Variants in NEGR1 observed in about 807,000 individuals in gnomAD.
NEGR1 encodes neuronal growth regulator 1, also known as IgLON family member 4.
A neutral mutation model predicts 40.9 loss-of-function variants in NEGR1; 10 were observed. That is an observed-to-expected ratio of 0.24 (90% CI 0.15 to 0.42). The LOEUF (loss-of-function observed/expected upper bound fraction) is 0.42, where lower values mean the gene tolerates loss of function less well. NEGR1 is among the 10% of genes least tolerant of loss of function. The pLI is 1.00. For missense variants in NEGR1, 352 were observed against 438.9 expected (o/e 0.80, Z 1.77); for synonymous variants, 185 against 166.8 (o/e 1.11, Z -0.84).
chr1:71,654,007 A>G (rs1347055015), intron 4 of NEGR1, among the ~76,000 whole-genome samples: 1 of 152,174 alleles, frequency 6.6e-6, no homozygotes, highest in Non-Finnish European at 1.5e-5. Flanking sequence ...TGTATTATTC[A>G]AACTTAAAAG....
At chr1:72,251,587 A>G (rs1489439274) in intron 1 of NEGR1, among the ~76,000 whole-genome samples, 3 of 152,128 alleles carry the variant, frequency 2.0e-5, no homozygotes, top group African/African-American at 7.2e-5. Context: ...TCATCTCTAG[A>G]TTTCTTATAA....
chr1:72,069,365 G>T (rs1647366379), intron 1 of NEGR1, among the ~76,000 whole-genome samples: 1 of 151,994 alleles, frequency 6.6e-6, no homozygotes, highest in Non-Finnish European at 1.5e-5. Flanking sequence ...GATCACCTGA[G>T]CCCAGAAGGC....
At chr1:72,062,597 T>C (rs1406811522) in intron 1 of NEGR1, among the ~76,000 whole-genome samples, 1 of 151,944 alleles carries the variant, frequency 6.6e-6, no homozygotes, top group Non-Finnish European at 1.5e-5. Context: ...TACTGCTTGG[T>C]GACCAAAATG....
chr1:71,718,005 G>A (rs1032236320), intron 3 of NEGR1, among the ~76,000 whole-genome samples: 3 of 152,122 alleles, frequency 2.0e-5, no homozygotes, highest in African/African-American at 7.2e-5. Flanking sequence ...AGAATTGTGA[G>A]ACAATACATT....
chr1:71,761,777 T>G (rs1396679058), intron 3 of NEGR1, among the ~76,000 whole-genome samples: 1 of 152,052 alleles, frequency 6.6e-6, no homozygotes. Flanking sequence ...AGAATCAGTC[T>G]TCAGTTGAAC....
chr1:71,674,037 C>T (rs933913547), intron 4 of NEGR1, among the ~76,000 whole-genome samples: 6 of 152,050 alleles, frequency 3.9e-5, no homozygotes, highest in Admixed American at 3.9e-4. Flanking sequence ...AATAATCTCT[C>T]AACATTTTCT....
chr1:71,795,989 T>G (rs1478403730), intron 2 of NEGR1, among the ~76,000 whole-genome samples: 1 of 152,164 alleles, frequency 6.6e-6, no homozygotes, highest in Non-Finnish European at 1.5e-5. Context: ...CATTTCTGGG[T>G]GTACATGTAG....
chr1:71,939,080 C>T (rs1363719746), intron 1 of NEGR1, among the ~76,000 whole-genome samples: 1 of 152,104 alleles, frequency 6.6e-6, no homozygotes, highest in Non-Finnish European at 1.5e-5. Context: ...CCACTTTACT[C>T]TGCTCTAGGC....
intron 4 of NEGR1, among the ~76,000 whole-genome samples, chr1:71,664,089 T>A (rs971826774): frequency 1.3e-5 from 2 of 152,200 alleles, no homozygotes; most frequent in Non-Finnish European, 2.9e-5. Context: ...GCTGACATCC[T>A]TTTTGTGTGT....
intron 4 of NEGR1, among the ~76,000 whole-genome samples, chr1:71,687,038 A>G (rs1358769490): frequency 6.6e-6 from 1 of 152,204 alleles, no homozygotes; most frequent in Non-Finnish European, 1.5e-5. Context: ...AACACTCTCA[A>G]CATCTGTTCT....
chr1:72,004,343 C>G (rs1486098), intron 1 of NEGR1, among the ~76,000 whole-genome samples: 53,422 of 151,956 alleles, frequency 0.35, 10,215 homozygotes, highest in African/African-American at 0.5. Context: ...GTTTCCCTGT[C>G]TTGTCCAGGC....
At chr1:71,609,286 C>T (rs1047770056) in intron 5 of NEGR1, among the ~76,000 whole-genome samples, 8 of 151,480 alleles carry the variant, frequency 5.3e-5, no homozygotes, top group Admixed American at 2.0e-4. Context: ...GAGGCCGAGG[C>T]GGGTGGATCA....
At chr1:71,583,818 T>C (rs760307317) in intron 6 of NEGR1, among the ~76,000 whole-genome samples, 40 of 152,204 alleles carry the variant, frequency 2.6e-4, no homozygotes, top group Admixed American at 1.3e-4. Flanking sequence ...GTGACTTTAA[T>C]GGTTCTTCAG....
chr1:71,628,922 A>G (rs1051090294), intron 4 of NEGR1, among the ~76,000 whole-genome samples: 5 of 152,130 alleles, frequency 3.3e-5, no homozygotes, highest in Non-Finnish European at 7.4e-5. Flanking sequence ...TCATTTGGGT[A>G]TACACCTAGC....
intron 1 of NEGR1, among the ~76,000 whole-genome samples, chr1:72,017,677 T>A (rs539774904): frequency 3.4e-4 from 52 of 152,126 alleles, no homozygotes; most frequent in Non-Finnish European, 5.6e-4. Context: ...TCCAATTATT[T>A]TTTTTTTTCA....
chr1:71,522,724 C>A (rs572188139), intron 6 of NEGR1, among the ~76,000 whole-genome samples: 2 of 101,172 alleles, frequency 2.0e-5, no homozygotes, highest in Non-Finnish European at 4.5e-5. Flanking sequence ...CCCTCTACCC[C>A]CCCCTTACAC....
intron 2 of NEGR1, among the ~76,000 whole-genome samples, chr1:71,802,722 T>A (rs1398182095): frequency 2.6e-5 from 4 of 152,196 alleles, no homozygotes; most frequent in Admixed American, 2.6e-4. Flanking sequence ...TTAGAATGGC[T>A]TGGGACTCAT....
At chr1:71,570,302 C>T (rs556977599) in intron 6 of NEGR1, among the ~76,000 whole-genome samples, 64 of 152,254 alleles carry the variant, frequency 4.2e-4, no homozygotes, top group Non-Finnish European at 8.4e-4. Flanking sequence ...GCCACAGGTA[C>T]TCCTGTAGAA....
intron 3 of NEGR1, among the ~76,000 whole-genome samples, chr1:71,739,199 GAAA>G (rs776411417): frequency 0.17 from 10,850 of 63,520 alleles, 583 homozygotes; most frequent in East Asian, 0.29. Flanking sequence ...AAGGCAGGCA[GAAA>G]AAAAAAAAAA....
Sources: allele counts gnomAD v4.1 joint callset (sites outside exome capture counted in the v4.1 genomes callset), GRCh38; gene constraint gnomAD v4.1.1; transcripts MANE v1.5; gene names NCBI Gene and HGNC (gene_info 2026-07-23, HGNC 2026-07-21).